GPC5: variants seen among roughly 807,000 people sequenced by gnomAD.
The protein encoded by GPC5 is glypican 5.
GPC5 carries 47 observed loss-of-function variants against 53.9 expected under a neutral mutation model. That is an observed-to-expected ratio of 0.87 (90% CI 0.69 to 1.11). GPC5 has a LOEUF of 1.11. Ranked by LOEUF, GPC5 falls within the 50% of genes most tolerant of loss-of-function variation. The pLI, the probability that GPC5 is intolerant of heterozygous loss-of-function variation, is 0.00. For synonymous variants in GPC5, 286 were observed against 263.3 expected (o/e 1.09, Z -0.84); for missense variants, 748 against 713.1 (o/e 1.05, Z -0.56).
chr13:91,445,643 T>A (rs1880749465), intron 1 of GPC5, among the ~76,000 whole-genome samples: 1 of 152,012 alleles, frequency 6.6e-6, no homozygotes, highest in African/African-American at 2.4e-5. Flanking sequence ...CCCAGCTAAT[T>A]TTTGTAGTTT....
intron 7 of GPC5, among the ~76,000 whole-genome samples, chr13:92,297,677 A>G (rs1047690300): frequency 6.6e-6 from 1 of 152,126 alleles, no homozygotes; most frequent in Non-Finnish European, 1.5e-5. Context: ...AAACGCACCA[A>G]TCAGCGCCCT....
At chr13:92,091,334 A>G (rs1487470426) in intron 6 of GPC5, among the ~76,000 whole-genome samples, 2 of 152,196 alleles carry the variant, frequency 1.3e-5, no homozygotes, top group Non-Finnish European at 2.9e-5. Context: ...ATTATTTTTA[A>G]TATTTCTTTT....
At chr13:91,965,707 T>G (rs2040174437) in intron 6 of GPC5, among the ~76,000 whole-genome samples, 1 of 152,172 alleles carries the variant, frequency 6.6e-6, no homozygotes, top group African/African-American at 2.4e-5. Context: ...GGCATGATAT[T>G]AAACAGCTGA....
chr13:92,452,473 C>T (rs531642593), intron 7 of GPC5, among the ~76,000 whole-genome samples: 44 of 152,212 alleles, frequency 2.9e-4, no homozygotes, highest in Non-Finnish European at 5.0e-4. Context: ...AAAAGCTATC[C>T]TTCGAGACCA....
chr13:92,509,846 A>G (rs1880501814), intron 7 of GPC5: 1 of 152,208 alleles, frequency 6.6e-6, no homozygotes, highest in Non-Finnish European at 1.5e-5. Flanking sequence ...ATGAGTGTAG[A>G]AATGAATATT....
chr13:92,399,582 C>G (rs192678254), intron 7 of GPC5, among the ~76,000 whole-genome samples: 4 of 152,170 alleles, frequency 2.6e-5, no homozygotes. Flanking sequence ...GCCTGTTGTT[C>G]CCGTAATGAT....
At chr13:92,697,515 G>C (rs191268402) in intron 7 of GPC5, among the ~76,000 whole-genome samples, 131 of 152,200 alleles carry the variant, frequency 8.6e-4, no homozygotes, top group Middle Eastern at 3.4e-3. Context: ...TAGTGTATAG[G>C]AATGCTTGTG....
chr13:91,603,454 G>A (rs893271853), intron 2 of GPC5, among the ~76,000 whole-genome samples: 7 of 152,218 alleles, frequency 4.6e-5, no homozygotes, highest in African/African-American at 1.7e-4. Flanking sequence ...CACGGTTAGT[G>A]GCAGAAGTGG....
chr13:91,696,427 T>A (rs1478662101), intron 3 of GPC5, among the ~76,000 whole-genome samples: 1 of 152,174 alleles, frequency 6.6e-6, no homozygotes, highest in African/African-American at 2.4e-5. Flanking sequence ...GAAACTGATT[T>A]TAAATTCCTT....
At chr13:92,587,764 C>G (rs1456528180) in intron 7 of GPC5, among the ~76,000 whole-genome samples, 4 of 152,102 alleles carry the variant, frequency 2.6e-5, no homozygotes, top group Non-Finnish European at 4.4e-5. Flanking sequence ...GCTTCCTGGG[C>G]ATTCACTCCT....
chr13:92,726,593 C>T (rs973346568), intron 7 of GPC5, among the ~76,000 whole-genome samples: 27 of 151,376 alleles, frequency 1.8e-4, no homozygotes, highest in African/African-American at 6.5e-4. Flanking sequence ...AACTTTTTTT[C>T]CAAAATTTAA....
chr13:91,411,551 G>A lies in GPC5; in HGVS notation c.163+12342G>A, dbSNP rs557934496. Among the ~76,000 whole-genome samples the A allele has an allele frequency of 1.9e-3, 290 of 152,266 alleles. 2 individuals carry two copies. Among genetic ancestry groups the A allele is most frequent in the Non-Finnish European group, 3.1e-3 (210 of 68,018 alleles). On this transcript the variant is annotated intron_variant, in intron 1 of 7. Coordinates refer to ENST00000377067, the MANE Select transcript of GPC5 (RefSeq NM_004466.6). ...GGGCAAGTGGAGTGGGGCAGACATA[G>A]GTCTCACCTTTATAGAGTCACTACA...
At chr13:92,539,790 A>G (rs1172779910) in intron 7 of GPC5, among the ~76,000 whole-genome samples, 2 of 151,882 alleles carry the variant, frequency 1.3e-5, no homozygotes, top group African/African-American at 4.8e-5. Flanking sequence ...CATTTTGATC[A>G]TGTCTTCTAT....
intron 5 of GPC5, among the ~76,000 whole-genome samples, chr13:91,774,166 T>C (rs2037671424): frequency 6.6e-6 from 1 of 152,180 alleles, no homozygotes; most frequent in Non-Finnish European, 1.5e-5. Context: ...AGGTACAGTG[T>C]AGAGAGAAAT....
intron 7 of GPC5, chr13:92,447,695 A>C (rs1413484182): frequency 6.6e-6 from 1 of 152,162 alleles, no homozygotes; most frequent in Non-Finnish European, 1.5e-5. Flanking sequence ...TTACCTTCGC[A>C]TTTTAAAGAT....
At chr13:92,601,205 T>G (rs182971252) in intron 7 of GPC5, among the ~76,000 whole-genome samples, 8 of 152,312 alleles carry the variant, frequency 5.3e-5, no homozygotes, top group Admixed American at 1.3e-4. Context: ...ATACTAAGCT[T>G]ATTTTATTGT....
At chr13:92,422,705 G>A (rs1876633882) in intron 7 of GPC5, among the ~76,000 whole-genome samples, 1 of 152,094 alleles carries the variant, frequency 6.6e-6, no homozygotes, top group Non-Finnish European at 1.5e-5. Context: ...CTCCAGAAAA[G>A]TGACAACCTC....
intron 3 of GPC5, chr13:91,725,249 A>C (rs2036552340): frequency 6.6e-6 from 1 of 152,222 alleles, no homozygotes; most frequent in Non-Finnish European, 1.5e-5. Flanking sequence ...GGAGGAAAAC[A>C]ATTTTTTCCA....
At chr13:92,002,172 GAT>G (rs1429763605) in intron 6 of GPC5, among the ~76,000 whole-genome samples, 1 of 151,634 alleles carries the variant, frequency 6.6e-6, no homozygotes, top group Admixed American at 6.6e-5. Context: ...AGGACTTACA[GAT>G]AGGGAATACC....
Sources: gnomAD v4.1 joint callset for allele counts (sites outside exome capture counted in the v4.1 genomes callset) on GRCh38, gnomAD v4.1.1 for gene constraint, MANE v1.5 for transcripts, NCBI Gene and HGNC (gene_info 2026-07-23, HGNC 2026-07-21) for gene names.